NSD1: variants seen among roughly 807,000 people sequenced by gnomAD.
NSD1 encodes the protein nuclear receptor binding SET domain protein 1.
Under a neutral mutation model 242.7 loss-of-function variants are expected in NSD1, and 26 were observed. The ratio of observed to expected loss-of-function variants is 0.11; its 90% CI spans 0.08 to 0.15. NSD1 has a LOEUF of 0.15. NSD1 is among the 10% of genes least tolerant of loss of function. The probability of loss-of-function intolerance (pLI) is 1.00; values close to 1 mark genes in which losing one functional copy is unlikely to be tolerated. For synonymous variants in NSD1, 1,106 were observed against 1,178.1 expected (o/e 0.94, Z 1.25); for missense variants, 2,495 against 3,272.8 (o/e 0.76, Z 5.80).
chr5:177,199,067 A>C (rs906852781), intron 3 of NSD1, among the ~76,000 whole-genome samples: 2 of 152,244 alleles, frequency 1.3e-5, no homozygotes, highest in African/African-American at 4.8e-5. Flanking sequence ...CATTAAATAG[A>C]AATGGTACTT....
At chr5:177,218,816 T>C (rs943212517) in intron 5 of NSD1, among the ~76,000 whole-genome samples, 3 of 151,436 alleles carry the variant, frequency 2.0e-5, no homozygotes, top group African/African-American at 7.3e-5. Context: ...TGATCCGCCC[T>C]CCTCGGCCTC....
intron 2 of NSD1, among the ~76,000 whole-genome samples, chr5:177,188,019 C>G (rs973108285): frequency 6.6e-6 from 1 of 152,168 alleles, no homozygotes; most frequent in Non-Finnish European, 1.5e-5. Context: ...TCTGCCAGTC[C>G]TGCCAGTCTA....
Position 177,294,854 on chromosome 5 carries a change from G to C in NSD1, c.7486G>C (p.Gly2496Arg). 3 of 1,612,982 alleles carry C rather than the reference G, an allele frequency of 1.9e-6. No individual in the cohort carries two copies. Among genetic ancestry groups the C allele is most frequent in the Non-Finnish European group, 1.7e-6 (2 of 1,179,968 alleles). Residue 2496 changes from glycine (G) to arginine (R), a missense_variant, in exon 23 of 23, where the codon GGT becomes CGT. Physicochemically the swap from Gly to Arg is moderately radical, Grantham distance 125. Around this residue, in one of 19 missense-constraint regions of NSD1, gnomAD observed 475 missense variants for 563.7 expected, o/e 0.84. Coordinates refer to ENST00000439151, the MANE Select transcript of NSD1 (RefSeq NM_022455.5). The stretch of plus-strand genomic sequence containing the variant: ...GTCAAGTTCATGGCCTGCCAGCAAA[G>C]GTCTGGGGCATATGCCGAGAGCTGT... The part of the protein sequence containing the change: ...LESSSWPASK[G>R]LGHMPRAVEK...
chr5:177,171,519 C>G (rs761632078), intron 2 of NSD1, among the ~76,000 whole-genome samples: 2 of 152,132 alleles, frequency 1.3e-5, no homozygotes. Context: ...CATGTATCAG[C>G]GGCCACATAA....
intron 2 of NSD1, among the ~76,000 whole-genome samples, chr5:177,151,875 T>A (rs1041568274): frequency 3.3e-5 from 5 of 151,612 alleles, no homozygotes; most frequent in Non-Finnish European, 7.4e-5. Flanking sequence ...TTTTGTTTTG[T>A]TTTTTGAGAC....
chr5:177,249,271 C>G lies in NSD1; in HGVS notation c.4641+947C>G, dbSNP rs1381504308. On this transcript the variant is annotated intron_variant, in intron 11 of 22. Coordinates refer to ENST00000439151, the MANE Select transcript of NSD1 (RefSeq NM_022455.5). ...GCAGGATTGCTTGAGGCCAGGAGTT[C>G]TAGACCAGTCTGGGCAGCACAGCGA... 3.9e-5 allele frequency among the ~76,000 whole-genome samples: 6 copies of G among 152,014 alleles called. No individual in the cohort carries two copies. In the South Asian group the frequency reaches 1.2e-3, roughly 32 times the overall value.
chr5:177,152,172 T>C lies in NSD1; in HGVS notation c.927+16142T>C, dbSNP rs1416000239. Among the ~76,000 whole-genome samples the C allele has an allele frequency of 8.6e-5, 13 of 151,948 alleles. No homozygotes were observed. The East Asian group carries it at 2.5e-3, about 30-fold the overall frequency. On this transcript the variant is annotated intron_variant, in intron 2 of 22. Transcript: ENST00000439151. Reference sequence around the variant, plus strand: ...ACTGCACCTGGCCATGCCCAGCTAATTTTTGTATTTTTTTGTAGGGATGGG... The same window carrying C: ...ACTGCACCTGGCCATGCCCAGCTAACTTTTGTATTTTTTTGTAGGGATGGG...
At chr5:177,206,492 G>A (rs71601344) in intron 4 of NSD1, among the ~76,000 whole-genome samples, 20,834 of 152,126 alleles carry the variant, frequency 0.14, 1,943 homozygotes, top group East Asian at 0.51. Flanking sequence ...GAGTTCATAT[G>A]CAGGGTCTGC....
chr5:177,266,846 C>T (rs1227926230), intron 14 of NSD1: 1 of 186,334 alleles, frequency 5.4e-6, no homozygotes, highest in Non-Finnish European at 1.1e-5. Context: ...TCTGCTGAAA[C>T]TACTGTGTTT....
At chr5:177,162,159 G>A (rs867434244) in intron 2 of NSD1, among the ~76,000 whole-genome samples, 4 of 151,938 alleles carry the variant, frequency 2.6e-5, no homozygotes, top group South Asian at 2.1e-4. Context: ...TTAGTTGGGC[G>A]TGGTGGCTCA....
rs377573628 is a variant in NSD1, at chr5:177,288,804, C to T, written c.6152-15C>T. On this transcript the variant is annotated splice_polypyrimidine_tract_variant and intron_variant, in intron 20 of 22. Transcript: ENST00000439151. ...AAAACCATAGATATTAATATTTTCA[C>T]GGTCTCTTATGCAGGCACTGAACTT... 74 of 1,546,896 alleles carry T rather than the reference C, an allele frequency of 4.8e-5. No individual in the cohort carries two copies. The highest frequency in any genetic ancestry group is 1.7e-4 in the Middle Eastern group (1 of 5,986).
intron 14 of NSD1, chr5:177,265,835 G>A: frequency 2.9e-6 from 4 of 1,398,478 alleles, no homozygotes; most frequent in Non-Finnish European, 4.1e-6. Flanking sequence ...GTTGAAGTAG[G>A]CCACCTGGGT....
At chr5:177,163,885 G>A (rs1428802061) in intron 2 of NSD1, among the ~76,000 whole-genome samples, 1 of 152,122 alleles carries the variant, frequency 6.6e-6, no homozygotes, top group Non-Finnish European at 1.5e-5. Context: ...TTTACTTTCT[G>A]TTAGGCTGCC....
At chr5:177,199,939 CTG>C (rs1762390666) in intron 3 of NSD1, among the ~76,000 whole-genome samples, 1 of 152,034 alleles carries the variant, frequency 6.6e-6, no homozygotes, top group South Asian at 2.1e-4. Flanking sequence ...CATGGAGCAT[CTG>C]TGATTTGTTT....
At chr5:177,161,020 C>T (rs943346000) in intron 2 of NSD1, among the ~76,000 whole-genome samples, 1 of 152,126 alleles carries the variant, frequency 6.6e-6, no homozygotes, top group Non-Finnish European at 1.5e-5. Context: ...CTGCCCACTT[C>T]AGCCTCCCAA....
intron 19 of NSD1, among the ~76,000 whole-genome samples, chr5:177,282,997 A>G (rs1469762021): frequency 6.6e-6 from 1 of 152,200 alleles, no homozygotes; most frequent in Admixed American, 6.5e-5. Context: ...TCTGTCACCC[A>G]GGCTGGAGTA....
intron 5 of NSD1, among the ~76,000 whole-genome samples, chr5:177,219,837 C>T (rs1581356034): frequency 6.6e-6 from 1 of 152,148 alleles, no homozygotes; most frequent in Non-Finnish European, 1.5e-5. Flanking sequence ...TTGCTCATGC[C>T]TGTAGTCCCA....
intron 10 of NSD1, among the ~76,000 whole-genome samples, 194 bp downstream of exon 10, chr5:177,246,990 A>G (rs1246632833): frequency 6.6e-6 from 1 of 152,226 alleles, no homozygotes; most frequent in East Asian, 1.9e-4. Flanking sequence ...AGCTGTCAAT[A>G]TGGTCTTTTT....
intron 2 of NSD1, among the ~76,000 whole-genome samples, chr5:177,158,297 CTTTCTTTTCTTTCT>C (rs1402860160): frequency 1.5e-4 from 16 of 104,066 alleles, no homozygotes; most frequent in African/African-American, 7.4e-4. Context: ...TTCTTTCTTT[CTTTCTTTTCTTTCT>C]TTTCTTTCTT....
Sources: gnomAD v4.1 joint callset for allele counts (sites outside exome capture counted in the v4.1 genomes callset) on GRCh38, gnomAD v4.1.1 for gene constraint, gnomAD v4.1.1 regional missense constraint, MANE v1.5 for transcripts, NCBI Gene and HGNC (gene_info 2026-07-23, HGNC 2026-07-21) for gene names.